Variants in ANK3 observed in about 807,000 individuals in gnomAD.
The protein encoded by ANK3 is ankyrin-3.
Under a neutral mutation model 370.9 loss-of-function variants are expected in ANK3, and 57 were observed. The observed-to-expected ratio is 0.15, with a 90% CI of 0.12 to 0.19. The LOEUF (loss-of-function observed/expected upper bound fraction) is 0.19, where lower values mean the gene tolerates loss of function less well. Among genes scored for constraint, ANK3 ranks in the 10% least tolerant of loss-of-function variants. ANK3 has a pLI of 1.00. For missense variants in ANK3, 4,439 were observed against 5,302.1 expected (o/e 0.84, Z 5.06); for synonymous variants, 1,929 against 1,946.3 (o/e 0.99, Z 0.23).
intron 2 of ANK3, among the ~76,000 whole-genome samples, chr10:60,611,143 A>G (rs767574188): frequency 1.3e-5 from 2 of 152,222 alleles, no homozygotes; most frequent in African/African-American, 2.4e-5. Context: ...AAGGGCCTAC[A>G]GTAACACTAG....
At chr10:60,693,743 C>T (rs1221332395) in intron 1 of ANK3, among the ~76,000 whole-genome samples, 1 of 152,136 alleles carries the variant, frequency 6.6e-6, no homozygotes. Flanking sequence ...ACCAAAAACC[C>T]ATCTGTACAT....
chr10:60,403,805 ACTGT>A (rs1325296881), intron 2 of ANK3, among the ~76,000 whole-genome samples: 1 of 152,168 alleles, frequency 6.6e-6, no homozygotes, highest in Non-Finnish European at 1.5e-5. Context: ...GAAGAGTAAA[ACTGT>A]CTCTTTTTAC....
intron 1 of ANK3, among the ~76,000 whole-genome samples, chr10:60,698,428 T>C (rs190652421): frequency 6.6e-6 from 1 of 151,852 alleles, no homozygotes; most frequent in East Asian, 1.9e-4. Context: ...CTAGAAATCA[T>C]GGTTCTATAA....
At chr10:60,271,574 T>C (rs1470688083) in intron 4 of ANK3, among the ~76,000 whole-genome samples, 2 of 152,186 alleles carry the variant, frequency 1.3e-5, no homozygotes, top group Non-Finnish European at 2.9e-5. Context: ...GAAATTTTAC[T>C]GTATACATTA....
Position 60,071,580 on chromosome 10 carries a change from C to T in ANK3, c.9301G>A (p.Val3101Met). Residue 3101 changes from valine to methionine, a missense_variant, in exon 37 of 44, where the codon GTG becomes ATG. Val to Met is a conservative substitution (Grantham distance 21). Coordinates refer to ENST00000280772, the MANE Select transcript of ANK3 (RefSeq NM_020987.5). ...ATCTCCTTTTCATATTGCTTCCCCA[C>T]TTGTACAAAACTGACATAAACGGGT... ...TLPVYVSFVQVGKQYEKEIQQ... is the reference protein window; with the variant it reads ...TLPVYVSFVQMGKQYEKEIQQ... 2 of 1,614,080 alleles carry T rather than the reference C, an allele frequency of 1.2e-6. No homozygotes were observed. Among genetic ancestry groups the T allele is most frequent in the African/African-American group, 2.7e-5 (2 of 75,028 alleles).
chr10:60,176,190 A>C (rs373413721), intron 18 of ANK3, among the ~76,000 whole-genome samples: 2 of 120,102 alleles, frequency 1.7e-5, no homozygotes, highest in African/African-American at 3.3e-5. Flanking sequence ...AAAAAAAAAA[A>C]AAAAACAAAA....
At chr10:60,111,418 T>C (rs553878611) in intron 26 of ANK3, among the ~76,000 whole-genome samples, 2 of 152,322 alleles carry the variant, frequency 1.3e-5, no homozygotes, top group African/African-American at 4.8e-5. Flanking sequence ...GGTCCTATTA[T>C]TTAATAACAT....
At chr10:60,197,551 T>G (rs1412276722) in intron 14 of ANK3, among the ~76,000 whole-genome samples, 2 of 152,226 alleles carry the variant, frequency 1.3e-5, no homozygotes, top group Non-Finnish European at 2.9e-5. Context: ...AACTTGCATC[T>G]CAACTCTACT....
chr10:60,704,807 A>G (rs989332352), intron 1 of ANK3, among the ~76,000 whole-genome samples: 1 of 152,206 alleles, frequency 6.6e-6, no homozygotes, highest in Non-Finnish European at 1.5e-5. Flanking sequence ...CAATTACAAC[A>G]TGTTTTATTA....
At chr10:60,551,574 TTAC>T (rs1307441219) in intron 2 of ANK3, among the ~76,000 whole-genome samples, 1 of 152,160 alleles carries the variant, frequency 6.6e-6, no homozygotes, top group African/African-American at 2.4e-5. Context: ...GAAGTGTTAT[TTAC>T]TACTATGTTT....
In ANK3 at chr10:60,074,863, C is replaced by A; in HGVS notation, c.6018G>T (p.Ala2006=). The A allele has an allele frequency of 6.2e-7, 1 of 1,613,698 alleles. No individual in the cohort carries two copies. The highest frequency in any genetic ancestry group is 8.5e-7 in the Non-Finnish European group (1 of 1,179,912). Residue 2006 remains alanine, a synonymous_variant, in exon 37 of 44, where the codon GCG becomes GCT. Transcript: ENST00000280772. ...TCTCTGGCAGAGATGGAGACTGGCT[C>A]GCAGCAGCTTGTTGTCTGGCTTCCC... ...EIREARQQAA[A]SQSPSLPERV...
chr10:60,026,435 C>G lies in ANK3; in HGVS notation c.*3411G>C, dbSNP rs2072408859. ...TTCAAGCAAATCAAGAATACCAAGA[C>G]TCACTCAGATATGAAGTTAGTTTTT... is the stretch of plus-strand genomic sequence containing the variant. On this transcript the variant is annotated 3_prime_UTR_variant, in exon 44 of 44. Transcript: ENST00000280772. 6.6e-6 allele frequency: 1 copy of G among 152,340 alleles called. No homozygotes were observed. The highest frequency in any genetic ancestry group is 2.4e-5 in the African/African-American group (1 of 41,576). 9.4% of individuals were successfully genotyped at this position (152,340 alleles called of 1,614,324 possible). A position where few individuals can be genotyped will look rare whatever the true frequency, so the allele number is the denominator to read the frequency against.
intron 2 of ANK3, among the ~76,000 whole-genome samples, chr10:60,395,624 C>CTTTCTTTCTT: frequency 1.6e-5 from 1 of 61,328 alleles, no homozygotes; most frequent in East Asian, 5.0e-4. Flanking sequence ...TTCGTTCTCT[C>CTTTCTTTCTT]TCTCTCTCTC....
intron 42 of ANK3, chr10:60,043,231 T>G: frequency 1.0e-6 from 1 of 986,348 alleles, no homozygotes; most frequent in Non-Finnish European, 1.2e-6. Context: ...GCATCTATTT[T>G]GCATAAACAA....
At chr10:60,432,500 T>G (rs2064049729) in intron 2 of ANK3, among the ~76,000 whole-genome samples, 1 of 152,202 alleles carries the variant, frequency 6.6e-6, no homozygotes, top group African/African-American at 2.4e-5. Flanking sequence ...CTAACACATA[T>G]AAAGGTAAAC....
At chr10:60,628,788 T>A (rs750268931) in intron 1 of ANK3, among the ~76,000 whole-genome samples, 8 of 152,234 alleles carry the variant, frequency 5.3e-5, no homozygotes, top group Non-Finnish European at 1.2e-4. Flanking sequence ...GCTGACTTGT[T>A]GTCATAACAC....
intron 1 of ANK3, among the ~76,000 whole-genome samples, chr10:60,721,733 G>T (rs2079866209): frequency 6.6e-6 from 1 of 152,114 alleles, no homozygotes; most frequent in Non-Finnish European, 1.5e-5. Context: ...CCACATAAAT[G>T]CACATTAAGG....
At chr10:60,583,876 G>A (rs183858566) in intron 2 of ANK3, among the ~76,000 whole-genome samples, 108 of 152,038 alleles carry the variant, frequency 7.1e-4, no homozygotes, top group Admixed American at 2.9e-3. Context: ...GAGCCACGGC[G>A]CCCAGCCACA....
chr10:60,297,088 T>C (rs574763863), intron 1 of ANK3, among the ~76,000 whole-genome samples: 6 of 152,232 alleles, frequency 3.9e-5, no homozygotes, highest in Admixed American at 2.0e-4. Context: ...TACAGAAGTA[T>C]GTAAATTTAC....
Sources: allele counts gnomAD v4.1 joint callset (sites outside exome capture counted in the v4.1 genomes callset), GRCh38; gene constraint gnomAD v4.1.1; transcripts MANE v1.5; gene names NCBI Gene and HGNC (gene_info 2026-07-23, HGNC 2026-07-21).